DIDO1: variants seen among roughly 807,000 people sequenced by gnomAD.
DIDO1 encodes death inducer-obliterator 1.
DIDO1 carries 16 observed loss-of-function variants against 99.4 expected under a neutral mutation model. That is an observed-to-expected ratio of 0.16 (90% CI 0.11 to 0.24). DIDO1 has a LOEUF of 0.24. Ranked by LOEUF, DIDO1 falls within the 10% of genes least tolerant of loss-of-function variation. The pLI is 1.00. For missense variants in DIDO1, 2,996 were observed against 3,014.0 expected, an observed-to-expected ratio of 0.99 and a Z score of 0.14; for synonymous variants, 1,366 against 1,239.1, an observed-to-expected ratio of 1.10 and a Z score of -2.15.
intron 1 of DIDO1, among the ~76,000 whole-genome samples, chr20:62,919,057 A>G (rs897660715): frequency 6.6e-6 from 1 of 152,138 alleles, no homozygotes; most frequent in Non-Finnish European, 1.5e-5. Flanking sequence ...TCAAAGCTCC[A>G]CCAGCTTGCG....
rs115445869 is a variant in DIDO1, at chr20:62,896,974, G to A, written c.1611C>T (p.Ser537=). The A allele has an allele frequency of 1.8e-3, 2,898 of 1,612,910 alleles. 49 individuals are homozygous for A. In the African/African-American group the frequency reaches 0.035, roughly 19 times the overall value. The change falls in exon 7 of 16, where the codon TCC becomes TCT. Residue 537 remains serine (S), a synonymous_variant. Transcript: ENST00000395343. This position sits in a 1 kb window ranked among gnomAD's most constrained non-coding sequence, Gnocchi z 4.4. ...LYKSTKEDRR[S]EEKAAAMAAS... is the part of the protein sequence containing the mutation. Reference sequence around the variant, plus strand: ...CTGCCATGGCTGCCGCTTTCTCCTCGGACCTCCTGTCTTCCTTCGTGGCTA... The same window carrying A: ...CTGCCATGGCTGCCGCTTTCTCCTCAGACCTCCTGTCTTCCTTCGTGGCTA...
chr20:62,895,244 G>C (rs1388357096), intron 8 of DIDO1, 79 bp from the exon 9 acceptor site: 1 of 1,354,740 alleles, frequency 7.4e-7, no homozygotes, highest in East Asian at 2.3e-5. Flanking sequence ...AAACACAGCT[G>C]CCCAGAAGTT....
chr20:62,904,048 T>C (rs940679032), intron 6 of DIDO1, among the ~76,000 whole-genome samples: 2 of 152,230 alleles, frequency 1.3e-5, no homozygotes, highest in Non-Finnish European at 2.9e-5. Flanking sequence ...ACTCCACATG[T>C]GGAGTCTCTG....
At position 62,880,215 on chromosome 20, in the gene DIDO1, C is replaced by A. The variant is rs1268979556; in HGVS notation, c.5741G>T (p.Gly1914Val). 6.2e-7 allele frequency: 1 copy of A among 1,612,288 alleles called. No homozygotes were observed. Among genetic ancestry groups the A allele is most frequent in the African/African-American group, 1.3e-5 (1 of 74,908 alleles). ...RGGPPPSQFG[G>V]QRGPPPGHFV... Reference sequence around the variant, plus strand: ...ATGACCAGGGGGTGGTCCTCTCTGACCTCCAAACTGAGAGGGAGGGGGGCC... The same window carrying A: ...ATGACCAGGGGGTGGTCCTCTCTGAACTCCAAACTGAGAGGGAGGGGGGCC... The change falls in exon 16 of 16, where the codon GGT becomes GTT. Residue 1914 changes from glycine to valine, a missense_variant. By Grantham distance (109) the Gly-to-Val change is moderately radical. This residue lies in a region of DIDO1 where 1,562 missense variants were observed against 1,412.6 expected (regional missense o/e 1.11). Coordinates refer to ENST00000395343, the MANE Select transcript of DIDO1 (RefSeq NM_001193369.2).
In DIDO1 at chr20:62,879,546, C is replaced by T; in HGVS notation, c.6410G>A (p.Arg2137Gln). Residue 2137 changes from arginine to glutamine, a missense_variant, in exon 16 of 16, where the codon CGA becomes CAA. Physicochemically the swap from Arg to Gln is conservative, Grantham distance 43 (BLOSUM62 1). Coordinates refer to ENST00000395343, the MANE Select transcript of DIDO1 (RefSeq NM_001193369.2). This position sits in a 1 kb window ranked among gnomAD's most constrained non-coding sequence, Gnocchi z 6.3. ...RDWDRPREWD[R>Q]HRDKDSSRDW... ...CCGGCTGGAGTCCTTGTCCCGGTGT[C>T]GGTCCCACTCCCGGGGCCGGTCCCA... 3 of 1,600,476 alleles carry T rather than the reference C, an allele frequency of 1.9e-6. No individual in the cohort carries two copies. The highest frequency in any genetic ancestry group is 2.5e-6 in the Non-Finnish European group (3 of 1,179,292).
At chr20:62,890,027 A>C in intron 15 of DIDO1, 1 of 985,268 alleles carries the variant, frequency 1.0e-6, no homozygotes, top group South Asian at 4.7e-5. Flanking sequence ...CCAGCTAGCT[A>C]GGGTGCGGCA....
At position 62,893,777 on chromosome 20, in the gene DIDO1, T is replaced by C. The variant is rs959375021; in HGVS notation, c.2990A>G (p.Asp997Gly). Residue 997 changes from aspartate to glycine, a missense_variant, in exon 12 of 16, where the codon GAT becomes GGT. By Grantham distance (94) the Asp-to-Gly change is moderately conservative. Around this residue, in one of 5 missense-constraint regions of DIDO1, gnomAD observed 898 missense variants for 972.7 expected, o/e 0.92. Transcript: ENST00000395343. ...DSTHMVEARQ[D>G]VPKPVLTSVM... ...AGAAGTCAAGACAGGCTTCGGCACA[T>C]CCTGTCTGGCTTCCACCATGTGGGT... The C allele has an allele frequency of 1.2e-6, 2 of 1,614,050 alleles. No homozygotes were observed. The highest frequency in any genetic ancestry group is 1.3e-5 in the African/African-American group (1 of 74,920).
intron 1 of DIDO1, among the ~76,000 whole-genome samples, chr20:62,924,568 A>G (rs1387624248): frequency 6.6e-6 from 1 of 152,236 alleles, no homozygotes; most frequent in Non-Finnish European, 1.5e-5. Flanking sequence ...CAGTATCAAC[A>G]GCAGAACCTG....
In DIDO1 at chr20:62,911,578, G is replaced by T; in HGVS notation, c.35C>A (p.Ala12Glu). 1 of 1,601,936 alleles carries T rather than the reference G, an allele frequency of 6.2e-7. No homozygotes were observed. Among genetic ancestry groups the T allele is most frequent in the East Asian group, 2.2e-5 (1 of 44,664 alleles). Residue 12 changes from alanine to glutamate, a missense_variant, in exon 3 of 16, where the codon GCA (alanine) becomes GAA (glutamate). This residue lies in a region of DIDO1 where 388 missense variants were observed against 376.6 expected (regional missense o/e 1.03). Transcript: ENST00000395343. The surrounding 1 kb of genome is among the most constrained non-coding windows in gnomAD (Gnocchi z 7.0). Reference protein sequence around the residue: ...DDKGDPSNEEAPKAIKPTSKE... With the variant: ...DDKGDPSNEEEPKAIKPTSKE... ...GCTGGTGGGTTTGATGGCCTTAGGT[G>T]CCTCCTCATTGCTCGGGTCGCCTTT... is the stretch of plus-strand genomic sequence containing the variant.
chr20:62,922,263 TACAC>T (rs921119615), intron 1 of DIDO1, among the ~76,000 whole-genome samples: 1 of 147,920 alleles, frequency 6.8e-6, no homozygotes, highest in Non-Finnish European at 1.5e-5. Flanking sequence ...CACATATATA[TACAC>T]ACACACACAG....
intron 6 of DIDO1, among the ~76,000 whole-genome samples, chr20:62,899,783 G>A (rs1176424528): frequency 6.6e-6 from 1 of 152,124 alleles, no homozygotes; most frequent in East Asian, 1.9e-4. Context: ...TGGGAGCAGT[G>A]TCCTACAACA....
chr20:62,891,042 G>A lies in DIDO1; in HGVS notation c.3459C>T (p.Asn1153=). Residue 1153 remains asparagine (N), a synonymous_variant, in exon 15 of 16, where the codon AAC becomes AAT. Transcript: ENST00000395343. The part of the protein sequence containing the change: ...RGRFGVVANN[N]RHVKDLYLIP... ...TCAGGTAGAGGTCCTTGACGTGCCT[G>A]TTGTTATTAGCTACAACACCAAAGC... 2 of 1,614,194 alleles carry A rather than the reference G, an allele frequency of 1.2e-6. No individual in the cohort carries two copies. The highest frequency in any genetic ancestry group is 1.1e-5 in the South Asian group (1 of 91,088).
At position 62,881,251 on chromosome 20, in the gene DIDO1, C is replaced by T. The variant is rs1463562527; in HGVS notation, c.4705G>A (p.Glu1569Lys). ...DPRQARRLAT[E>K]TGEGEGEPLS... ...GGCTCCCCCTCCCCCTCACCGGTCT[C>T]AGTGGCCAGGCGCCTCGCCTGCCGG... is the stretch of plus-strand genomic sequence containing the variant. The change falls in exon 16 of 16, where the codon GAG becomes AAG. Residue 1569 changes from glutamate (E) to lysine (K), a missense_variant. Glu to Lys is a moderately conservative substitution (Grantham distance 56). Coordinates refer to ENST00000395343, the MANE Select transcript of DIDO1 (RefSeq NM_001193369.2). This position sits in a 1 kb window ranked among gnomAD's most constrained non-coding sequence, Gnocchi z 8.3. 6.2e-7 allele frequency: 1 copy of T among 1,603,208 alleles called. No homozygotes were observed.
intron 1 of DIDO1, among the ~76,000 whole-genome samples, chr20:62,916,036 TATAAC>T (rs746694821): frequency 1.3e-5 from 2 of 152,184 alleles, no homozygotes; most frequent in Non-Finnish European, 2.9e-5. Flanking sequence ...GAAAATTTAC[TATAAC>T]ATTTCAGTCA....
Position 62,894,825 on chromosome 20 carries a change from T to G in DIDO1, c.2421A>C (p.Pro807=), listed in dbSNP as rs756556558. The change falls in exon 10 of 16, where the codon CCA becomes CCC. Residue 807 remains proline, a synonymous_variant. Coordinates refer to ENST00000395343, the MANE Select transcript of DIDO1 (RefSeq NM_001193369.2). This position sits in a 1 kb window ranked among gnomAD's most constrained non-coding sequence, Gnocchi z 4.4. The part of the protein sequence containing the change: ...EAIPDLEDSP[P]VSDSEEQQES... Reference sequence around the variant, plus strand: ...AAATGCTTACCTCTGAATCCGACACTGGCGGAGAGTCCTCCAGATCGGGGA... The same window carrying G: ...AAATGCTTACCTCTGAATCCGACACGGGCGGAGAGTCCTCCAGATCGGGGA... 8.9e-5 allele frequency: 143 copies of G among 1,613,290 alleles called. No homozygotes were observed. The highest frequency in any genetic ancestry group is 1.2e-4 in the Non-Finnish European group (138 of 1,179,848).
chr20:62,880,999 T>C lies in DIDO1; in HGVS notation c.4957A>G (p.Arg1653Gly). ...RPATVGDSSA[R>G]PARRVLLPTP... is the part of the protein sequence containing the mutation. ...GGCAGCAGCACCCTCCGGGCAGGCC[T>C]GGCCGAGCTGTCTCCAACCGTGGCG... is the stretch of plus-strand genomic sequence containing the variant. The change falls in exon 16 of 16, where the codon AGG becomes GGG. Residue 1653 changes from arginine (R) to glycine (G), a missense_variant. Coordinates refer to ENST00000395343, the MANE Select transcript of DIDO1 (RefSeq NM_001193369.2). 6.2e-7 allele frequency: 1 copy of C among 1,605,684 alleles called. No individual in the cohort carries two copies. Among genetic ancestry groups the C allele is most frequent in the Non-Finnish European group, 8.5e-7 (1 of 1,178,818 alleles).
At chr20:62,931,960 A>ATTTC (rs1260285897) in intron 1 of DIDO1, among the ~76,000 whole-genome samples, 1 of 152,252 alleles carries the variant, frequency 6.6e-6, no homozygotes, top group East Asian at 1.9e-4. Flanking sequence ...AAAACTGAGA[A>ATTTC]AGAGTGTGTT....
At chr20:62,935,054 A>T (rs2065368008) in intron 1 of DIDO1, among the ~76,000 whole-genome samples, 1 of 152,070 alleles carries the variant, frequency 6.6e-6, no homozygotes, top group African/African-American at 2.4e-5. Flanking sequence ...TCCCACAGGC[A>T]CCTCCAATTG....
At position 62,881,923 on chromosome 20, in the gene DIDO1, C is replaced by A. The variant is rs2147350662; in HGVS notation, c.4033G>T (p.Glu1345Ter). ...CCGTCCTCTGCTGTGGTTTTGGGCTCCTGGGGGAGACCTGCGGTGGACCCG... is the reference window on the plus strand; with the variant it reads ...CCGTCCTCTGCTGTGGTTTTGGGCTACTGGGGGAGACCTGCGGTGGACCCG... Reference protein sequence around the residue: ...PPGSTAGLPQEPKTTAEDGVP... With the variant: ...PPGSTAGLPQ The change falls in exon 16 of 16, where the codon GAG becomes TAG. Residue 1345 changes from glutamate to a stop codon, truncating the protein, a stop_gained. Transcript: ENST00000395343. LOFTEE classifies it low-confidence loss of function (END_TRUNC). The surrounding 1 kb of genome is among the most constrained non-coding windows in gnomAD (Gnocchi z 8.3). 1 of 1,613,434 alleles carries A rather than the reference C, an allele frequency of 6.2e-7. No individual in the cohort carries two copies. The highest frequency in any genetic ancestry group is 8.5e-7 in the Non-Finnish European group (1 of 1,180,040).
Sources: gnomAD v4.1 joint callset for allele counts (sites outside exome capture counted in the v4.1 genomes callset) on GRCh38, gnomAD v4.1.1 for gene constraint, gnomAD v4.1.1 regional missense constraint, Gnocchi (gnomAD v3.1) non-coding constraint, MANE v1.5 for transcripts, NCBI Gene and HGNC (gene_info 2026-07-23, HGNC 2026-07-21) for gene names.